CDH13: variants seen among roughly 807,000 people sequenced by gnomAD.
The protein encoded by CDH13 is cadherin-13.
CDH13 carries 24 observed loss-of-function variants against 63.8 expected under a neutral mutation model. The observed-to-expected ratio is 0.38, with a 90% CI of 0.27 to 0.53. The LOEUF (loss-of-function observed/expected upper bound fraction) is 0.53, where lower values mean the gene tolerates loss of function less well. Among genes scored for constraint, CDH13 ranks in the 20% least tolerant of loss-of-function variants. The pLI is 0.85. For missense variants in CDH13, 1,049 were observed against 903.1 expected (o/e 1.16, Z -2.07); for synonymous variants, 503 against 355.3 (o/e 1.42, Z -4.67).
At chr16:83,211,147 C>CAA (rs34346635) in intron 4 of CDH13, among the ~76,000 whole-genome samples, 2 of 77,516 alleles carry the variant, frequency 2.6e-5, no homozygotes, top group African/African-American at 4.9e-5. Flanking sequence ...GATTCCATCT[C>CAA]AAAAAAAAAA....
chr16:82,804,671 A>G (rs12051538), intron 1 of CDH13, among the ~76,000 whole-genome samples: 32,100 of 152,042 alleles, frequency 0.21, 4,147 homozygotes, highest in South Asian at 0.37. Flanking sequence ...CACAGTCAAT[A>G]ATTGGTAGGA....
At chr16:82,741,594 A>G (rs1251660365) in intron 1 of CDH13, among the ~76,000 whole-genome samples, 1 of 152,222 alleles carries the variant, frequency 6.6e-6, no homozygotes, top group Non-Finnish European at 1.5e-5. Flanking sequence ...CCATGCCTGT[A>G]ACATGGTAGG....
chr16:83,313,350 A>G (rs577900159), intron 5 of CDH13, among the ~76,000 whole-genome samples: 3 of 152,286 alleles, frequency 2.0e-5, no homozygotes, highest in South Asian at 2.1e-4. Context: ...TTGATATCCA[A>G]CTCAATATAT....
intron 2 of CDH13, among the ~76,000 whole-genome samples, chr16:82,968,335 A>G (rs1422581258): frequency 6.6e-6 from 1 of 152,150 alleles, no homozygotes; most frequent in Non-Finnish European, 1.5e-5. Context: ...TATCTAGAAA[A>G]TGTGTAATTT....
chr16:82,926,181 G>A (rs896337808), intron 2 of CDH13: 1 of 151,916 alleles, frequency 6.6e-6, no homozygotes, highest in Non-Finnish European at 1.5e-5. Context: ...CAGGCCACAG[G>A]GTCTTTGTTG....
intron 4 of CDH13, among the ~76,000 whole-genome samples, chr16:83,130,222 T>C (rs914696810): frequency 6.6e-6 from 1 of 152,240 alleles, no homozygotes; most frequent in South Asian, 2.1e-4. Context: ...TGAATTCTTA[T>C]GATAACAACC....
chr16:83,559,561 A>T (rs2075663629), intron 7 of CDH13, among the ~76,000 whole-genome samples: 1 of 137,360 alleles, frequency 7.3e-6, no homozygotes, highest in African/African-American at 3.0e-5. Context: ...ACAAGAGCGA[A>T]ACTGTATAAA....
intron 4 of CDH13, among the ~76,000 whole-genome samples, chr16:83,207,724 A>G (rs1489498191): frequency 6.6e-6 from 1 of 151,666 alleles, no homozygotes; most frequent in Non-Finnish European, 1.5e-5. Context: ...AAAAAATAAA[A>G]CCCCTGCAAA....
At chr16:82,966,765 G>A (rs1171983203) in intron 2 of CDH13, among the ~76,000 whole-genome samples, 2 of 152,102 alleles carry the variant, frequency 1.3e-5, no homozygotes, top group African/African-American at 2.4e-5. Flanking sequence ...AACTATTGAA[G>A]AGAAAATTGC....
chr16:83,204,845 A>G (rs2039136173), intron 4 of CDH13, among the ~76,000 whole-genome samples: 1 of 152,240 alleles, frequency 6.6e-6, no homozygotes, highest in Non-Finnish European at 1.5e-5. Context: ...ACAATTTGGA[A>G]CATTGCTGGT....
intron 1 of CDH13, among the ~76,000 whole-genome samples, chr16:82,631,111 G>A (rs767637705): frequency 4.0e-5 from 6 of 151,848 alleles, no homozygotes; most frequent in African/African-American, 2.4e-5. Context: ...TTGCTTTCTC[G>A]CTAGCTTTCT....
chr16:82,883,706 G>A (rs969804934), intron 2 of CDH13, among the ~76,000 whole-genome samples: 5 of 152,164 alleles, frequency 3.3e-5, no homozygotes, highest in African/African-American at 7.2e-5. Flanking sequence ...AGCTGAGCTC[G>A]TGCCCAGAAT....
chr16:83,427,189 C>G (rs948110376), intron 6 of CDH13, among the ~76,000 whole-genome samples: 3 of 152,070 alleles, frequency 2.0e-5, no homozygotes, highest in African/African-American at 4.8e-5. Context: ...GCTGGGATTA[C>G]AGGTGTGAGC....
intron 5 of CDH13, 45 bp downstream of exon 5, chr16:83,217,542 C>G (rs759200400): frequency 1.3e-6 from 2 of 1,575,986 alleles, no homozygotes; most frequent in East Asian, 4.5e-5. Context: ...AGAAATGTGG[C>G]TTTCAAAGAT....
At chr16:83,112,006 A>T (rs1164376377) in intron 3 of CDH13, among the ~76,000 whole-genome samples, 14 of 152,170 alleles carry the variant, frequency 9.2e-5, no homozygotes, top group Non-Finnish European at 1.5e-5. Context: ...TCTTATACCC[A>T]CATAATTTTA....
intron 6 of CDH13, among the ~76,000 whole-genome samples, chr16:83,352,716 C>T (rs2090979342): frequency 6.6e-6 from 1 of 152,086 alleles, no homozygotes; most frequent in Non-Finnish European, 1.5e-5. Flanking sequence ...CGGTGAAACC[C>T]CGTCTCTACT....
chr16:83,646,712 A>AAAAAAACACACACAC (rs1168012793), intron 8 of CDH13, among the ~76,000 whole-genome samples: 5 of 80,490 alleles, frequency 6.2e-5, no homozygotes, highest in African/African-American at 1.8e-4. Flanking sequence ...AAAAAAAAAA[A>AAAAAAACACACACAC]ACACACACAC....
chr16:82,900,153 T>C (rs996800278), intron 2 of CDH13, among the ~76,000 whole-genome samples: 3 of 152,046 alleles, frequency 2.0e-5, no homozygotes, highest in Non-Finnish European at 4.4e-5. Context: ...CTGCCAAGAG[T>C]GATTCTTGCT....
At chr16:83,433,152 C>G (rs1292913706) in intron 6 of CDH13, among the ~76,000 whole-genome samples, 2 of 152,146 alleles carry the variant, frequency 1.3e-5, no homozygotes, top group Non-Finnish European at 2.9e-5. Flanking sequence ...ACTAGACAGA[C>G]CAAGTCCCCG....
Sources: gnomAD v4.1 joint callset for allele counts (sites outside exome capture counted in the v4.1 genomes callset) on GRCh38, gnomAD v4.1.1 for gene constraint, MANE v1.5 for transcripts, NCBI Gene and HGNC (gene_info 2026-07-23, HGNC 2026-07-21) for gene names.